The following ACACB variants were observed in gnomAD, a reference collection of about 807,000 sequenced individuals.
ACACB encodes acetyl-CoA carboxylase beta.
ACACB carries 209 observed loss-of-function variants against 278.8 expected under a neutral mutation model. The ratio of observed to expected loss-of-function variants is 0.75; its 90% confidence interval spans 0.67 to 0.84. The LOEUF (loss-of-function observed/expected upper bound fraction) is 0.84. Among genes scored for constraint, ACACB ranks in the 40% least tolerant of loss-of-function variants. ACACB has a pLI of 0.00. For synonymous variants in ACACB, 1,174 were observed against 1,285.6 expected (o/e 0.91, Z 1.86); for missense variants, 2,850 against 3,269.0 (o/e 0.87, Z 3.13).
In ACACB at chr12:109,131,877, C is replaced by G. The variant is rs183021222; in HGVS notation, c.-9-7520C>G. The stretch of plus-strand genomic sequence containing the variant: ...TGCTCATGGAATCAAACTGCGTGAT[C>G]GGTGCTCATTCTTGACCACGGCCCC... On this transcript the variant is annotated intron_variant, in intron 1 of 52. Coordinates refer to ENST00000338432, the MANE Select transcript of ACACB (RefSeq NM_001093.4). 5.5e-4 allele frequency among the ~76,000 whole-genome samples: 84 copies of G among 152,254 alleles called. No individual in the cohort carries two copies. In the Middle Eastern group the frequency reaches 0.01, roughly 18 times the overall value.
At position 109,234,011 on chromosome 12, in the gene ACACB, T is replaced by G. The variant is rs1421308095; in HGVS notation, c.4313T>G (p.Leu1438Arg). ...QCADHLEDEALVPILRTFVQS... is the reference protein window; with the variant it reads ...QCADHLEDEARVPILRTFVQS... The stretch of plus-strand genomic sequence containing the variant: ...GCAGACCACCTGGAGGATGAGGCAC[T>G]GGTGCCGATTTTACGGACATTCGTA... Residue 1438 changes from leucine to arginine, a missense_variant, in exon 31 of 53, where the codon CTG becomes CGG. Leu to Arg is a moderately radical substitution (Grantham distance 102, BLOSUM62 -2). This residue lies in a region of ACACB where 2,265 missense variants were observed against 2,561.3 expected (regional missense o/e 0.88). Transcript: ENST00000338432. 4 of 1,613,840 alleles carry G rather than the reference T, an allele frequency of 2.5e-6. No individual in the cohort carries two copies. In the South Asian group the frequency reaches 3.3e-5, roughly 13 times the overall value.
At chr12:109,231,854 T>C (rs2046482998) in intron 28 of ACACB, among the ~76,000 whole-genome samples, 1 of 152,130 alleles carries the variant, frequency 6.6e-6, no homozygotes, top group African/African-American at 2.4e-5. Flanking sequence ...GCTGGTCACA[T>C]CACCCTCTGC....
At chr12:109,237,520 C>T (rs1173068476) in intron 34 of ACACB, 140 bp downstream of exon 34, 3 of 871,590 alleles carry the variant, frequency 3.4e-6, no homozygotes, top group African/African-American at 1.7e-5. Context: ...TGCTATGCTC[C>T]AGTCCAGGGC....
chr12:109,139,686 C>A lies in ACACB; in HGVS notation c.281C>A (p.Pro94His). ...DAGRRRNSLP[P>H]SHQKPPRNPL... ...GGTCGGCGGAGAAACTCCCTACCAC[C>A]CTCCCACCAGAAGCCCCCAAGAAAC... Residue 94 changes from proline to histidine, a missense_variant, in exon 2 of 53, where the codon CCC (proline) becomes CAC (histidine). Around this residue, in one of 3 missense-constraint regions of ACACB, gnomAD observed 2,265 missense variants for 2,561.3 expected, o/e 0.88. Transcript: ENST00000338432. 1 of 1,614,062 alleles carries A rather than the reference C, an allele frequency of 6.2e-7. No homozygotes were observed. Among genetic ancestry groups the A allele is most frequent in the Non-Finnish European group, 8.5e-7 (1 of 1,179,968 alleles).
chr12:109,218,233 G>A (rs1318459414), intron 24 of ACACB, among the ~76,000 whole-genome samples: 2 of 152,076 alleles, frequency 1.3e-5, no homozygotes, highest in African/African-American at 2.4e-5. Flanking sequence ...ACAGGGTCTC[G>A]CTCTGTTGCC....
rs945746641 is a variant in ACACB, at chr12:109,201,474, C to G, written c.2779-93C>G. On this transcript the variant is annotated intron_variant, in intron 18 of 52. Coordinates refer to ENST00000338432, the MANE Select transcript of ACACB (RefSeq NM_001093.4). ...TTCTGGCGCGTCCCTGGGTAGTGTC[C>G]CGGCGCGTCCCTGCTCCGGCATCAC... 6.7e-5 allele frequency: 100 copies of G among 1,497,480 alleles called. 3 individuals are homozygous for G. In the South Asian group the frequency reaches 1.2e-3, roughly 18 times the overall value. 92.8% of individuals were successfully genotyped at this position (1,497,480 alleles called of 1,614,324 possible).
At chr12:109,259,169 C>G in intron 47 of ACACB, 61 bp downstream of exon 47, 1 of 1,574,808 alleles carries the variant, frequency 6.3e-7, no homozygotes, top group South Asian at 1.2e-5. Context: ...GGACAGCACC[C>G]TCTGGGTGGT....
chr12:109,152,562 C>T (rs1318462864), intron 2 of ACACB, among the ~76,000 whole-genome samples: 1 of 151,352 alleles, frequency 6.6e-6, no homozygotes, highest in Non-Finnish European at 1.5e-5. Context: ...AACAGGGGCC[C>T]AGGGTGTTTA....
chr12:109,265,605 T>C, intron 52 of ACACB, 80 bp downstream of exon 52: 1 of 1,526,906 alleles, frequency 6.5e-7, no homozygotes, highest in Non-Finnish European at 8.8e-7. Flanking sequence ...CCGACTCCTA[T>C]GCAGCCACTT....
intron 1 of ACACB, among the ~76,000 whole-genome samples, chr12:109,128,104 T>C (rs1210985625): frequency 6.6e-6 from 1 of 152,150 alleles, no homozygotes; most frequent in Non-Finnish European, 1.5e-5. Flanking sequence ...ACCCGGAAGG[T>C]ATCCTCTCTG....
At chr12:109,259,203 C>A in intron 47 of ACACB, 95 bp downstream of exon 47, 1 of 1,425,078 alleles carries the variant, frequency 7.0e-7, no homozygotes, top group Non-Finnish European at 9.6e-7. Flanking sequence ...TAGTCTGTGC[C>A]CATCATCATC....
intron 34 of ACACB, among the ~76,000 whole-genome samples, chr12:109,239,020 G>C (rs554535216): frequency 6.6e-6 from 1 of 151,934 alleles, no homozygotes; most frequent in African/African-American, 2.4e-5. Flanking sequence ...GGGTTCAAGC[G>C]ATTCTCCTGC....
At chr12:109,141,873 C>T (rs1055500261) in intron 2 of ACACB, among the ~76,000 whole-genome samples, 2 of 152,166 alleles carry the variant, frequency 1.3e-5, no homozygotes, top group African/African-American at 4.8e-5. Flanking sequence ...TTTGGCTCTG[C>T]CACCCCCTAC....
intron 11 of ACACB, among the ~76,000 whole-genome samples, chr12:109,183,620 A>G (rs939792526): frequency 5.3e-5 from 8 of 151,782 alleles, no homozygotes; most frequent in Non-Finnish European, 1.0e-4. Context: ...ACTGATTTTT[A>G]TATGTTGATT....
At chr12:109,220,482 T>A (rs2046127612) in intron 24 of ACACB, among the ~76,000 whole-genome samples, 1 of 152,174 alleles carries the variant, frequency 6.6e-6, no homozygotes, top group Admixed American at 6.5e-5. Flanking sequence ...TTCTGAGAAC[T>A]AAAATATACA....
At chr12:109,222,948 C>T (rs749914373) in intron 26 of ACACB, 36 bp downstream of exon 26, 1 of 1,523,920 alleles carries the variant, frequency 6.6e-7, no homozygotes, top group Non-Finnish European at 9.0e-7. Context: ...ATCTGCAGAG[C>T]ACACACTGTG....
intron 42 of ACACB, chr12:109,252,455 G>A (rs1250545474): frequency 2.0e-5 from 5 of 247,080 alleles, no homozygotes; most frequent in Non-Finnish European, 3.8e-5. Flanking sequence ...AAGTAATTTT[G>A]CAGCTTCTAT....
chr12:109,158,711 C>T (rs867022060), intron 2 of ACACB, among the ~76,000 whole-genome samples: 1 of 152,138 alleles, frequency 6.6e-6, no homozygotes, highest in African/African-American at 2.4e-5. Flanking sequence ...CGGTGGCTCA[C>T]ACTTGTGGTC....
intron 27 of ACACB, among the ~76,000 whole-genome samples, chr12:109,224,680 C>G (rs2136533364): frequency 1.3e-5 from 2 of 151,698 alleles, no homozygotes; most frequent in East Asian, 3.9e-4. Flanking sequence ...TACAGGCGCC[C>G]ACCACCACAC....
Sources: gnomAD v4.1 joint callset for allele counts (sites outside exome capture counted in the v4.1 genomes callset) on GRCh38, gnomAD v4.1.1 for gene constraint, gnomAD v4.1.1 regional missense constraint, MANE v1.5 for transcripts, NCBI Gene and HGNC (gene_info 2026-07-23, HGNC 2026-07-21) for gene names.